PCSK9: variants seen among roughly 807,000 people sequenced by gnomAD.
PCSK9 encodes convertase subtilisin/kexin type 9 preproprotein.
A neutral mutation model predicts 62.1 loss-of-function variants in PCSK9; 57 were observed. The observed-to-expected ratio is 0.92, with a 90% confidence interval of 0.74 to 1.14. The LOEUF is 1.14. Ranked by LOEUF, PCSK9 falls within the 50% of genes most tolerant of loss-of-function variation. PCSK9 has a pLI of 0.00. For missense variants in PCSK9, 870 were observed against 959.8 expected (o/e 0.91, Z 1.24); for synonymous variants, 387 against 409.4 (o/e 0.95, Z 0.66).
At chr1:55,055,383 C>A (rs1177855729) in intron 5 of PCSK9, among the ~76,000 whole-genome samples, 2 of 151,954 alleles carry the variant, frequency 1.3e-5, no homozygotes, top group African/African-American at 4.8e-5. Context: ...CCTCTTGGTG[C>A]CTCTCTTTCA....
chr1:55,052,902 G>T, intron 5 of PCSK9, 111 bp downstream of exon 5: 1 of 1,542,466 alleles, frequency 6.5e-7, no homozygotes, highest in South Asian at 1.2e-5. Context: ...TGCTGTGGCA[G>T]CCTCTGCCGC....
At chr1:55,059,720 A>C in intron 10 of PCSK9, 57 bp downstream of exon 10, 3 of 1,533,772 alleles carry the variant, frequency 2.0e-6, no homozygotes, top group Non-Finnish European at 2.6e-6. Context: ...TTATGCACCC[A>C]CTGCCCGCGA....
In PCSK9 at chr1:55,056,141, C is replaced by A; in HGVS notation, c.948C>A (p.Gly316=). ...GGGTCGTGCTGGTCACCGCTGCCGG[C>A]AACTTCCGGGACGATGCCTGCCTCT... ...RAGVVLVTAA[G]NFRDDACLYS... is the part of the protein sequence containing the mutation. Residue 316 remains glycine (G), a synonymous_variant, in exon 6 of 12, where the codon GGC becomes GGA. Coordinates refer to ENST00000302118, the MANE Select transcript of PCSK9 (RefSeq NM_174936.4). The A allele has an allele frequency of 1.9e-6, 3 of 1,554,944 alleles. No individual in the cohort carries two copies. The highest frequency in any genetic ancestry group is 2.6e-6 in the Non-Finnish European group (3 of 1,143,542).
intron 3 of PCSK9, among the ~76,000 whole-genome samples, chr1:55,050,638 T>C (rs1177894054): frequency 1.3e-5 from 2 of 152,090 alleles, no homozygotes; most frequent in South Asian, 2.1e-4. Context: ...GGGTAGACAG[T>C]GTGTGTGCAG....
chr1:55,059,342 A>C (rs1644741428), intron 9 of PCSK9, 144 bp from the exon 10 acceptor site: 1 of 1,007,504 alleles, frequency 9.9e-7, no homozygotes. Flanking sequence ...GGCAGGAGTG[A>C]GCTCCTTGTC....
At chr1:55,051,239 G>A in intron 3 of PCSK9, 1 of 455,934 alleles carries the variant, frequency 2.2e-6, no homozygotes, top group Non-Finnish European at 4.4e-6. Context: ...TGTTCAGATG[G>A]CACTTCAGAA....
intron 2 of PCSK9, among the ~76,000 whole-genome samples, chr1:55,044,994 G>A (rs557560743): frequency 1.3e-5 from 2 of 152,158 alleles, no homozygotes; most frequent in East Asian, 1.9e-4. Flanking sequence ...CTCAACACAC[G>A]TTTACCAAGT....
chr1:55,053,673 C>T (rs1163066203), intron 5 of PCSK9, among the ~76,000 whole-genome samples: 1 of 152,220 alleles, frequency 6.6e-6, no homozygotes. Flanking sequence ...CTGTGCTCCA[C>T]CAGTTCTGCC....
At chr1:55,044,919 C>T (rs140524698) in intron 2 of PCSK9, among the ~76,000 whole-genome samples, 39 of 152,280 alleles carry the variant, frequency 2.6e-4, no homozygotes, top group Non-Finnish European at 2.1e-4. Flanking sequence ...TTGACAGGGT[C>T]CCTGCCTTGG....
intron 1 of PCSK9, among the ~76,000 whole-genome samples, chr1:55,043,069 C>T (rs1476803426): frequency 6.6e-6 from 1 of 152,208 alleles, no homozygotes; most frequent in Non-Finnish European, 1.5e-5. Flanking sequence ...AGGCCCTCAC[C>T]AGAAGCAGAT....
chr1:55,042,616 G>C (rs1245000610), intron 1 of PCSK9, among the ~76,000 whole-genome samples: 1 of 152,196 alleles, frequency 6.6e-6, no homozygotes, highest in Non-Finnish European at 1.5e-5. Flanking sequence ...CTGCAAGGTA[G>C]GTTGAGGTAG....
intron 10 of PCSK9, 66 bp from the exon 11 acceptor site, chr1:55,061,308 TG>T (rs1644756839): frequency 1.3e-6 from 2 of 1,506,552 alleles, no homozygotes; most frequent in Non-Finnish European, 1.8e-6. Context: ...GAGGGTCTGA[TG>T]GGGATGGGCA....
Position 55,052,662 on chromosome 1 carries a change from G to A in PCSK9, c.670G>A (p.Asp224Asn). 2 of 1,613,158 alleles carry A rather than the reference G, an allele frequency of 1.2e-6. No homozygotes were observed. The highest frequency in any genetic ancestry group is 1.7e-6 in the Non-Finnish European group (2 of 1,179,820). Residue 224 changes from aspartate (D) to asparagine (N), a missense_variant, in exon 5 of 12, where the codon GAC becomes AAC. By Grantham distance (23) the Asp-to-Asn change is conservative (BLOSUM62 1). Transcript: ENST00000302118. ...TRFHRQASKCDSHGTHLAGVV... is the reference protein window; with the variant it reads ...TRFHRQASKCNSHGTHLAGVV... The stretch of plus-strand genomic sequence containing the variant: ...GTTCGTCGAGCAGGCCAGCAAGTGT[G>A]ACAGTCATGGCACCCACCTGGCAGG...
Position 55,054,954 on chromosome 1 carries a change from G to A in PCSK9, c.800-1039G>A, listed in dbSNP as rs28362251. 3.8e-3 allele frequency among the ~76,000 whole-genome samples: 570 copies of A among 151,936 alleles called. 3 individuals carry two copies. Among genetic ancestry groups the A allele is most frequent in the African/African-American group, 0.013 (529 of 41,410 alleles). Reference sequence around the variant, plus strand: ...CGGGAGGCGGAGCTTGCAGTGAGCCGAGATTGCGCCACTGCACTCCAGCCT... The same window carrying A: ...CGGGAGGCGGAGCTTGCAGTGAGCCAAGATTGCGCCACTGCACTCCAGCCT... On this transcript the variant is annotated intron_variant, in intron 5 of 11. Transcript: ENST00000302118.
chr1:55,056,302 G>T, intron 6 of PCSK9, 113 bp downstream of exon 6: 1 of 1,182,264 alleles, frequency 8.5e-7, no homozygotes, highest in Non-Finnish European at 1.1e-6. Context: ...CTTGTGGCAC[G>T]TTCCTGGAGG....
chr1:55,063,327 G>T (rs777420566), intron 11 of PCSK9, 42 bp from the exon 12 acceptor site: 4 of 1,593,324 alleles, frequency 2.5e-6, no homozygotes, highest in Non-Finnish European at 3.4e-6. Flanking sequence ...GGGGTCCCGG[G>T]CCACGCTAGA....
Position 55,056,360 on chromosome 1 carries a change from C to A in PCSK9, c.996+171C>A, listed in dbSNP as rs562829799. Among the ~76,000 whole-genome samples, 495 of 152,286 alleles carry A rather than the reference C, an allele frequency of 3.3e-3. 4 individuals are homozygous for A. Among genetic ancestry groups the A allele is most frequent in the African/African-American group, 0.012 (483 of 41,558 alleles). On this transcript the variant is annotated intron_variant, in intron 6 of 11. Coordinates refer to ENST00000302118, the MANE Select transcript of PCSK9 (RefSeq NM_174936.4). ...GGAGTCGTCAGAGACCCCCGCCATG[C>A]GGGAGGCTGGGGAGGAAGGGGCTCG... is the stretch of plus-strand genomic sequence containing the variant.
At position 55,040,036 on chromosome 1, in the gene PCSK9, T is replaced by G. The variant is rs376619733; in HGVS notation, c.199T>G (p.Cys67Gly). Residue 67 changes from cysteine to glycine, a missense_variant, in exon 1 of 12, where the codon TGC becomes GGC. Transcript: ENST00000302118. The surrounding 1 kb of genome is among the most constrained non-coding windows in gnomAD (Gnocchi z 4.1). ...EHGTTATFHR[C>G]AKDPWRLPGT... ...CGGAACCACAGCCACCTTCCACCGC[T>G]GCGCCAAGGTGCGGGTGTAGGGATG... 6.4e-7 allele frequency: 1 copy of G among 1,564,182 alleles called. No individual in the cohort carries two copies.
In PCSK9 at chr1:55,064,460, C is replaced by T. The variant is rs1171392767; in HGVS notation, c.*876C>T. ...GGCTGGCTCTGAAGCCAAGCCTCTT[C>T]TTACTTCACCCGGCTGGGCTCCTCA... On this transcript the variant is annotated 3_prime_UTR_variant, in exon 12 of 12. Transcript: ENST00000302118. The T allele has an allele frequency of 1.3e-5, 2 of 152,248 alleles. No individual in the cohort carries two copies. Among genetic ancestry groups the T allele is most frequent in the African/African-American group, 4.8e-5 (2 of 41,456 alleles). The allele number at this position is 152,248 out of a possible 1,614,324, so 9.4% of individuals were successfully genotyped here. A position where few individuals can be genotyped will look rare whatever the true frequency, so the allele number is the denominator to read the frequency against.
Sources: allele counts gnomAD v4.1 joint callset (sites outside exome capture counted in the v4.1 genomes callset), GRCh38; gene constraint gnomAD v4.1.1; non-coding constraint Gnocchi (gnomAD v3.1); transcripts MANE v1.5; gene names NCBI Gene and HGNC (gene_info 2026-07-23, HGNC 2026-07-21).